The following PSMC1 variants were observed in gnomAD, a reference collection of about 807,000 sequenced individuals.
PSMC1 encodes the protein proteasome 26S subunit, ATPase 1, also known as 26S proteasome regulatory subunit 4.
A neutral mutation model predicts 49.8 loss-of-function variants in PSMC1; 5 were observed. That is an observed-to-expected ratio of 0.10 (90% CI 0.05 to 0.21). PSMC1 has a LOEUF of 0.21. Among genes scored for constraint, PSMC1 ranks in the 10% least tolerant of loss-of-function variants. The probability of loss-of-function intolerance (pLI) is 1.00; values close to 1 mark genes in which losing one functional copy is unlikely to be tolerated. For missense variants in PSMC1, 181 were observed against 535.7 expected (o/e 0.34, Z 6.54); for synonymous variants, 155 against 192.1 (o/e 0.81, Z 1.60).
chr14:90,256,706 CTT>C (rs1891300407), intron 1 of PSMC1, 106 bp downstream of exon 1: 1 of 1,506,838 alleles, frequency 6.6e-7, no homozygotes, highest in Non-Finnish European at 9.0e-7. Flanking sequence ...GGACAGCCCT[CTT>C]CTCCTTTTGC....
intron 2 of PSMC1, 111 bp from the exon 3 acceptor site, chr14:90,260,004 G>A (rs1891366410): frequency 3.7e-5 from 23 of 619,844 alleles, no homozygotes; most frequent in Middle Eastern, 4.7e-4. Flanking sequence ...CATCCTAAAA[G>A]ATAAGGAAAA....
At chr14:90,260,592 C>T (rs983809672) in intron 3 of PSMC1, among the ~76,000 whole-genome samples, 3 of 152,076 alleles carry the variant, frequency 2.0e-5, no homozygotes, top group Admixed American at 6.6e-5. Flanking sequence ...ATTAGCTGGG[C>T]GTGGTGGCGG....
rs1384152015 is a variant in PSMC1, at chr14:90,270,195, C to T, written c.1034-3C>T. The T allele has an allele frequency of 3.0e-5, 48 of 1,613,338 alleles. 1 individual carries two copies. The highest frequency in any genetic ancestry group is 2.4e-4 in the African/African-American group (18 of 74,872). On this transcript the variant is annotated splice_region_variant and splice_polypyrimidine_tract_variant and intron_variant, in intron 9 of 10. Coordinates refer to ENST00000261303, the MANE Select transcript of PSMC1 (RefSeq NM_002802.3). ...GTGACTTCAAATCTCTTTGTACCTG[C>T]AGGCCGCATTGACAGGAAGATTGAG...
chr14:90,259,076 A>G (rs1891348092), intron 1 of PSMC1, 84 bp from the exon 2 acceptor site: 2 of 1,308,576 alleles, frequency 1.5e-6, no homozygotes, highest in Admixed American at 2.1e-5. Context: ...AGGACATGTT[A>G]TAGACTCACA....
chr14:90,263,238 T>C (rs1418367997), intron 3 of PSMC1, 80 bp from the exon 4 acceptor site: 8 of 1,419,278 alleles, frequency 5.6e-6, no homozygotes, highest in Non-Finnish European at 7.6e-6. Context: ...AAAATGAGCG[T>C]ATTTTAAAAT....
chr14:90,259,065 C>T, intron 1 of PSMC1, 95 bp from the exon 2 acceptor site: 4 of 1,123,880 alleles, frequency 3.6e-6, no homozygotes, highest in South Asian at 1.8e-5. Flanking sequence ...ATGTTACTCA[C>T]AGGACATGTT....
rs1891603265 is a variant in PSMC1, at chr14:90,269,382, T to TC, written c.882-15_882-14insC. 1.9e-6 allele frequency: 3 copies of TC among 1,593,640 alleles called. No homozygotes were observed. The highest frequency in any genetic ancestry group is 1.7e-5 in the Admixed American group (1 of 57,458). ...CAGTTGAGTCTTCATTCCTTCCCTT[T>TC]TTTTTTTTCCAAAGATATGACTCCA... is the stretch of plus-strand genomic sequence containing the variant. On this transcript the variant is annotated splice_polypyrimidine_tract_variant and intron_variant, in intron 8 of 10. Coordinates refer to ENST00000261303, the MANE Select transcript of PSMC1 (RefSeq NM_002802.3).
Position 90,263,368 on chromosome 14 carries a change from A to G in PSMC1, c.205A>G (p.Lys69Glu). 6.3e-7 allele frequency: 1 copy of G among 1,591,300 alleles called. No individual in the cohort carries two copies. Among genetic ancestry groups the G allele is most frequent in the Non-Finnish European group, 8.6e-7 (1 of 1,168,516 alleles). Reference protein sequence around the residue: ...RLKLLKLERIKDYLLMEEEFI... With the variant: ...RLKLLKLERIEDYLLMEEEFI... ...AAAATTACTGAAGTTAGAGAGAATT[A>G]AAGACTATCTTCTCATGGAGGAAGA... is the stretch of plus-strand genomic sequence containing the variant. Residue 69 changes from lysine (K) to glutamate (E), a missense_variant, in exon 4 of 11, where the codon AAA becomes GAA. Around this residue, in one of 3 missense-constraint regions of PSMC1, gnomAD observed 121 missense variants for 358.6 expected, o/e 0.34. Transcript: ENST00000261303.
At chr14:90,261,952 T>C (rs993773701) in intron 3 of PSMC1, among the ~76,000 whole-genome samples, 2 of 151,880 alleles carry the variant, frequency 1.3e-5, no homozygotes, top group Non-Finnish European at 2.9e-5. Flanking sequence ...ATATACACCA[T>C]GGAATACTAT....
chr14:90,273,574 A>G lies in PSMC1; in HGVS notation c.*1167A>G, dbSNP rs1451030674. On this transcript the variant is annotated 3_prime_UTR_variant, in exon 11 of 11. Coordinates refer to ENST00000261303, the MANE Select transcript of PSMC1 (RefSeq NM_002802.3). ...CTCCGTCTCAAAAATAAATAAATAA[A>G]TAAATAAAAACCACAATTTTATCTC... 1 of 152,242 alleles carries G rather than the reference A, an allele frequency of 6.6e-6. No individual in the cohort carries two copies. The highest frequency in any genetic ancestry group is 1.5e-5 in the Non-Finnish European group (1 of 68,086). 9.4% of individuals were successfully genotyped at this position (152,242 alleles called of 1,614,324 possible).
chr14:90,260,110 T>G lies in PSMC1; in HGVS notation c.58-5T>G, dbSNP rs747953955. ...TTTTTTTTCCTGCTATTCTAACAAC[T>G]CAAGGACAAGAAAAAGAAATATGAA... is the stretch of plus-strand genomic sequence containing the variant. On this transcript the variant is annotated splice_polypyrimidine_tract_variant and splice_region_variant and intron_variant, in intron 2 of 10. Coordinates refer to ENST00000261303, the MANE Select transcript of PSMC1 (RefSeq NM_002802.3). 2.2e-5 allele frequency: 34 copies of G among 1,554,726 alleles called. No homozygotes were observed. Among genetic ancestry groups the G allele is most frequent in the Non-Finnish European group, 2.8e-5 (32 of 1,153,232 alleles).
At chr14:90,270,435 G>T in intron 10 of PSMC1, 83 bp downstream of exon 10, 1 of 1,468,668 alleles carries the variant, frequency 6.8e-7, no homozygotes, top group Non-Finnish European at 9.1e-7. Flanking sequence ...TGGGATGGTG[G>T]TTGGCCTGGA....
rs1254856185 is a variant in PSMC1, at chr14:90,272,131, C to G, written c.1189-142C>G. ...CTGGTCTTGAACTCCTGACCTTAGG[C>G]GATCCACCTGCCTCGGCCTCCCAGA... On this transcript the variant is annotated intron_variant, in intron 10 of 10. Transcript: ENST00000261303. The surrounding 1 kb of genome is among the most constrained non-coding windows in gnomAD (Gnocchi z 4.5). 1 of 790,586 alleles carries G rather than the reference C, an allele frequency of 1.3e-6. No homozygotes were observed. The highest frequency in any genetic ancestry group is 1.8e-5 in the African/African-American group (1 of 55,204). 49.0% of individuals were successfully genotyped at this position (790,586 alleles called of 1,614,324 possible).
chr14:90,260,353 C>A, intron 3 of PSMC1, 142 bp downstream of exon 3: 1 of 637,862 alleles, frequency 1.6e-6, no homozygotes. Flanking sequence ...CTACCTCACT[C>A]TTGAGTGTGG....
In PSMC1 at chr14:90,270,003, T is replaced by C. The variant is rs183905253; in HGVS notation, c.1034-195T>C. 7.0e-5 allele frequency: 41 copies of C among 586,688 alleles called. No homozygotes were observed. In the African/African-American group the frequency reaches 7.4e-4, roughly 11 times the overall value. 36.3% of individuals were successfully genotyped at this position (586,688 alleles called of 1,614,324 possible). A position where few individuals can be genotyped will look rare whatever the true frequency, so the allele number is the denominator to read the frequency against. ...GTACCAAAGCAGAGAGAGTTTCTTT[T>C]AAATGAAGAGAATTCAAATGTAGAA... On this transcript the variant is annotated intron_variant, in intron 9 of 10. Coordinates refer to ENST00000261303, the MANE Select transcript of PSMC1 (RefSeq NM_002802.3).
At chr14:90,263,273 A>T in intron 3 of PSMC1, 45 bp from the exon 4 acceptor site, 2 of 1,547,122 alleles carry the variant, frequency 1.3e-6, no homozygotes, top group Non-Finnish European at 1.7e-6. Context: ...CTTACTTGCA[A>T]ACTTCAGGGT....
At chr14:90,256,738 G>A (rs1891301366) in intron 1 of PSMC1, 138 bp downstream of exon 1, 1 of 1,401,112 alleles carries the variant, frequency 7.1e-7, no homozygotes, top group South Asian at 1.2e-5. Flanking sequence ...CTTCTCGGCG[G>A]GTGGAGGCTC....
intron 1 of PSMC1, among the ~76,000 whole-genome samples, chr14:90,258,362 G>A (rs560883143): frequency 1.1e-4 from 16 of 152,162 alleles, no homozygotes; most frequent in Non-Finnish European, 1.5e-4. Context: ...ATGCCCAAGA[G>A]GTGAAGAAGT....
intron 9 of PSMC1, chr14:90,269,985 A>G: frequency 1.8e-6 from 1 of 547,166 alleles, no homozygotes; most frequent in Non-Finnish European, 3.2e-6. Flanking sequence ...AAGGTACCAA[A>G]GCAGAGAGAG....
Sources: allele counts gnomAD v4.1 joint callset (sites outside exome capture counted in the v4.1 genomes callset), GRCh38; gene constraint gnomAD v4.1.1; regional missense constraint gnomAD v4.1.1; non-coding constraint Gnocchi (gnomAD v3.1); transcripts MANE v1.5; gene names NCBI Gene and HGNC (gene_info 2026-07-23, HGNC 2026-07-21).